SPDYA: variants seen among roughly 807,000 people sequenced by gnomAD.
SPDYA encodes the protein speedy protein A.
SPDYA carries 11 observed loss-of-function variants against 36.7 expected under a neutral mutation model. The ratio of observed to expected loss-of-function variants is 0.30; its 90% CI spans 0.19 to 0.50. The LOEUF is 0.50. Ranked by LOEUF, SPDYA falls within the 20% of genes least tolerant of loss-of-function variation. The probability of loss-of-function intolerance (pLI) is 0.98; values close to 1 mark genes in which losing one functional copy is unlikely to be tolerated. For missense variants in SPDYA, 287 were observed against 370.9 expected, an observed-to-expected ratio of 0.77 and a Z score of 1.86; for synonymous variants, 115 against 118.7, an observed-to-expected ratio of 0.97 and a Z score of 0.20.
intron 6 of SPDYA, among the ~76,000 whole-genome samples, chr2:28,839,034 A>G (rs943194324): frequency 1.3e-5 from 2 of 152,230 alleles, no homozygotes; most frequent in African/African-American, 2.4e-5. Context: ...GCACATATGT[A>G]CAGTTCCCCA....
intron 6 of SPDYA, among the ~76,000 whole-genome samples, chr2:28,836,735 T>A (rs566380642): frequency 2.3e-4 from 35 of 152,334 alleles, no homozygotes; most frequent in Middle Eastern, 3.4e-3. Flanking sequence ...GGGTTGTGAT[T>A]AAATTGGAAA....
intron 5 of SPDYA, among the ~76,000 whole-genome samples, chr2:28,824,282 A>G (rs1337241653): frequency 6.6e-6 from 1 of 151,812 alleles, no homozygotes; most frequent in Non-Finnish European, 1.5e-5. Flanking sequence ...GTCCAAGACC[A>G]GCCTGGACAA....
Position 28,840,300 on chromosome 2 carries a change from T to C in SPDYA, c.681T>C (p.Asp227=), listed in dbSNP as rs780966888. ...GGGGACCTAGTGCCACACCAGTAGA[T>C]TGTTCACTCTGTGGTAAAAAAAGAA... is the stretch of plus-strand genomic sequence containing the variant. ...LPRGPSATPV[D]CSLCGKKRRY... The change falls in exon 7 of 8, where the codon GAT becomes GAC. Residue 227 remains aspartate (D), a synonymous_variant. Transcript: ENST00000334056. The C allele has an allele frequency of 1.9e-5, 30 of 1,612,616 alleles. No homozygotes were observed. In the Admixed American group the frequency reaches 4.7e-4, roughly 25 times the overall value.
At chr2:28,812,627 C>T (rs1191926762) in intron 1 of SPDYA, among the ~76,000 whole-genome samples, 3 of 151,806 alleles carry the variant, frequency 2.0e-5, no homozygotes, top group Non-Finnish European at 1.5e-5. Flanking sequence ...GAGGCCGAGG[C>T]GGGCCGATCA....
Position 28,829,235 on chromosome 2 carries a change from G to T in SPDYA, c.468G>T (p.Leu156Phe), listed in dbSNP as rs1199186036. ...PWALGKNWRK[L>F]FPNFLKLRDQ... ...CTTTAGGGAAAAACTGGAGAAAATT[G>T]TTCCCTAATTTCTTAAAGTTAAGGG... Residue 156 changes from leucine (L) to phenylalanine (F), a missense_variant, in exon 6 of 8, where the codon TTG (leucine) becomes TTT (phenylalanine). Coordinates refer to ENST00000334056, the MANE Select transcript of SPDYA (RefSeq NM_182756.4). 7 of 1,613,950 alleles carry T rather than the reference G, an allele frequency of 4.3e-6. No homozygotes were observed. The highest frequency in any genetic ancestry group is 5.1e-6 in the Non-Finnish European group (6 of 1,179,954).
chr2:28,842,146 C>T (rs1442785214), intron 7 of SPDYA: 1 of 152,156 alleles, frequency 6.6e-6, no homozygotes, highest in Non-Finnish European at 1.5e-5. Context: ...AGCCTGAATT[C>T]CTAAATATTA....
intron 5 of SPDYA, among the ~76,000 whole-genome samples, chr2:28,826,611 C>CTTTTTTTTTTTTTTTTTTTTT: frequency 1.3e-5 from 1 of 75,328 alleles, no homozygotes; most frequent in Non-Finnish European, 2.2e-5. Context: ...TTCTTTCTCT[C>CTTTTTTTTTTTTTTTTTTTTT]TTTTTTTTTT....
At chr2:28,820,312 C>CTT (rs1318212078) in intron 4 of SPDYA, among the ~76,000 whole-genome samples, 1 of 152,082 alleles carries the variant, frequency 6.6e-6, no homozygotes, top group African/African-American at 2.4e-5. Context: ...AAAATTTCAG[C>CTT]TTTGTCGCTC....
intron 7 of SPDYA, 43 bp downstream of exon 7, chr2:28,840,512 T>C (rs780674893): frequency 3.1e-6 from 5 of 1,602,306 alleles, no homozygotes; most frequent in Middle Eastern, 1.7e-4. Context: ...ATGCATGTTG[T>C]TTACTGAGCT....
At chr2:28,818,984 A>G in intron 3 of SPDYA, 64 bp from the exon 4 acceptor site, 4 of 1,298,840 alleles carry the variant, frequency 3.1e-6, no homozygotes, top group Non-Finnish European at 4.4e-6. Flanking sequence ...TGACATAGAA[A>G]TTAATTCTTC....
intron 2 of SPDYA, among the ~76,000 whole-genome samples, chr2:28,815,395 G>A (rs1205503007): frequency 6.6e-6 from 1 of 150,860 alleles, no homozygotes. Flanking sequence ...AGCCTTCAAA[G>A]CACATCTACA....
At chr2:28,822,433 G>T in intron 5 of SPDYA, 23 bp downstream of exon 5, 1 of 1,294,892 alleles carries the variant, frequency 7.7e-7, no homozygotes, top group South Asian at 1.4e-5. Context: ...TCTACTAAGT[G>T]ATTGTTGTGT....
intron 5 of SPDYA, among the ~76,000 whole-genome samples, chr2:28,826,351 G>A (rs922269498): frequency 6.6e-6 from 1 of 151,952 alleles, no homozygotes; most frequent in Non-Finnish European, 1.5e-5. Flanking sequence ...TGGCCAAGCT[G>A]GCCTCAAACT....
chr2:28,840,917 T>G, intron 7 of SPDYA: 4 of 274,730 alleles, frequency 1.5e-5, no homozygotes, highest in Non-Finnish European at 2.2e-5. Context: ...CATTATTGAG[T>G]CCTCCAAAAC....
rs967598552 is a variant in SPDYA at position 28,838,424 on chromosome 2, G to A, written c.553-1748G>A. On this transcript the variant is annotated intron_variant, in intron 6 of 7. Coordinates refer to ENST00000334056, the MANE Select transcript of SPDYA (RefSeq NM_182756.4). The stretch of plus-strand genomic sequence containing the variant: ...TCGAGCTCCTGGCCTCAAGTGATCC[G>A]CACACCTCAGCCTCCCAAAGTGCTG... 5.9e-5 allele frequency among the ~76,000 whole-genome samples: 9 copies of A among 151,952 alleles called. No homozygotes were observed. In the South Asian group the frequency reaches 1.7e-3, roughly 28 times the overall value.
At chr2:28,839,933 C>T (rs1213357446) in intron 6 of SPDYA, among the ~76,000 whole-genome samples, 1 of 152,168 alleles carries the variant, frequency 6.6e-6, no homozygotes, top group Admixed American at 6.5e-5. Flanking sequence ...TGGAAGATTG[C>T]TTCAGTCCTA....
intron 5 of SPDYA, 39 bp downstream of exon 5, chr2:28,822,449 AT>A: frequency 5.4e-6 from 6 of 1,116,170 alleles, no homozygotes; most frequent in Non-Finnish European, 7.7e-6. Context: ...TGTGTTATCT[AT>A]TATATACATT....
At chr2:28,841,805 G>A (rs1198982190) in intron 7 of SPDYA, among the ~76,000 whole-genome samples, 1 of 152,092 alleles carries the variant, frequency 6.6e-6, no homozygotes, top group South Asian at 2.1e-4. Flanking sequence ...GCTGAGGCAA[G>A]AGGATCACTT....
intron 5 of SPDYA, among the ~76,000 whole-genome samples, chr2:28,824,545 C>CTTTTCTTTCTTTCTTTTTTT (rs1668268914): frequency 1.6e-5 from 2 of 121,876 alleles, no homozygotes; most frequent in Admixed American, 1.8e-4. Flanking sequence ...TTTTTCTTTT[C>CTTTTCTTTCTTTCTTTTTTT]TTTCTTTCTT....
Sources: gnomAD v4.1 joint callset for allele counts (sites outside exome capture counted in the v4.1 genomes callset) on GRCh38, gnomAD v4.1.1 for gene constraint, MANE v1.5 for transcripts, NCBI Gene and HGNC (gene_info 2026-07-23, HGNC 2026-07-21) for gene names.